PCDH7: variants seen among roughly 807,000 people sequenced by gnomAD.
PCDH7 encodes protocadherin 7, also known as protocadherin-7.
In PCDH7, 17 loss-of-function variants were observed where a neutral mutation model predicts 58.9. That is an observed-to-expected ratio of 0.29 (90% CI 0.20 to 0.43). The LOEUF is 0.43. PCDH7 is among the 20% of genes least tolerant of loss of function. The pLI, the probability that PCDH7 is intolerant of heterozygous loss-of-function variation, is 1.00. For missense variants in PCDH7, 1,274 were observed against 1,441.0 expected (o/e 0.88, Z 1.88); for synonymous variants, 664 against 616.4 (o/e 1.08, Z -1.14).
intron 3 of PCDH7, among the ~76,000 whole-genome samples, chr4:31,089,100 T>C (rs1056862433): frequency 3.3e-5 from 5 of 152,076 alleles, no homozygotes; most frequent in African/African-American, 1.2e-4. Context: ...TTGCTTTAGA[T>C]AAGTGAGTTT....
intron 3 of PCDH7, among the ~76,000 whole-genome samples, chr4:31,077,094 T>G (rs145972070): frequency 6.6e-6 from 1 of 152,260 alleles, no homozygotes; most frequent in East Asian, 1.9e-4. Context: ...CATACACACA[T>G]AAATCTGATG....
At chr4:30,854,393 G>A in intron 1 of PCDH7, among the ~76,000 whole-genome samples, 1 of 150,946 alleles carries the variant, frequency 6.6e-6, no homozygotes, top group East Asian at 1.9e-4. Flanking sequence ...TTAGGGAACT[G>A]GGTTACTACT....
At chr4:31,142,516 T>C (rs1720388092) in exon 4 of PCDH7, 3 of 1,367,648 alleles carry the variant, frequency 2.2e-6, no homozygotes, top group Non-Finnish European at 9.8e-7. Flanking sequence ...GGAAGTGCAC[T>C]CGTGAGTGTG....
chr4:31,035,469 G>A (rs1755331492), intron 3 of PCDH7, among the ~76,000 whole-genome samples: 1 of 152,022 alleles, frequency 6.6e-6, no homozygotes, highest in Non-Finnish European at 1.5e-5. Context: ...GGCCAGGCTG[G>A]CCTCAAATTC....
intron 3 of PCDH7, among the ~76,000 whole-genome samples, chr4:31,069,401 C>T (rs1578709947): frequency 1.1e-5 from 1 of 88,778 alleles, no homozygotes; most frequent in Non-Finnish European, 2.4e-5. Context: ...AACACCTGTT[C>T]TTCTCACGGA....
chr4:31,060,048 T>C (rs1031907697), intron 3 of PCDH7, among the ~76,000 whole-genome samples: 5 of 151,656 alleles, frequency 3.3e-5, no homozygotes, highest in African/African-American at 1.2e-4. Context: ...ACCAAAGAAA[T>C]GTAGAGTGTG....
intron 3 of PCDH7, among the ~76,000 whole-genome samples, chr4:31,020,521 G>A (rs982474877): frequency 1.3e-5 from 2 of 152,126 alleles, no homozygotes; most frequent in African/African-American, 4.8e-5. Flanking sequence ...TGTAAACTTC[G>A]GAGTCACTGC....
At chr4:31,068,939 T>A (rs1758318465) in intron 3 of PCDH7, among the ~76,000 whole-genome samples, 1 of 152,000 alleles carries the variant, frequency 6.6e-6, no homozygotes, top group Non-Finnish European at 1.5e-5. Context: ...AGAATAACAT[T>A]TGTTTTAAAA....
chr4:30,984,769 G>A (rs897642857), intron 3 of PCDH7, among the ~76,000 whole-genome samples: 1 of 152,140 alleles, frequency 6.6e-6, no homozygotes, highest in Non-Finnish European at 1.5e-5. Flanking sequence ...GGTAATTCCA[G>A]TAGAATGTGG....
exon 2 of PCDH7, chr4:30,731,517 T>C (rs1715500703): frequency 6.6e-6 from 1 of 152,166 alleles, no homozygotes; most frequent in Non-Finnish European, 1.5e-5. Flanking sequence ...TTTATATCAT[T>C]TTTGAATTTA....
At chr4:30,915,095 C>G (rs1447893307) in intron 1 of PCDH7, among the ~76,000 whole-genome samples, 1 of 152,072 alleles carries the variant, frequency 6.6e-6, no homozygotes, top group East Asian at 1.9e-4. Flanking sequence ...TGTTGAGCAC[C>G]CCTTTTTGCT....
At chr4:31,133,284 G>A (rs1352997211) in intron 3 of PCDH7, among the ~76,000 whole-genome samples, 5 of 152,062 alleles carry the variant, frequency 3.3e-5, no homozygotes, top group African/African-American at 9.7e-5. Context: ...AATTTTGTGG[G>A]TACATATTTG....
At chr4:30,732,750 G>A (rs576444323) in exon 2 of PCDH7, 5 of 151,936 alleles carry the variant, frequency 3.3e-5, no homozygotes, top group Non-Finnish European at 7.4e-5. Context: ...CTAGACTGGG[G>A]TAGGAAGTTA....
At chr4:31,079,891 G>A (rs1482834890) in intron 3 of PCDH7, among the ~76,000 whole-genome samples, 2 of 151,822 alleles carry the variant, frequency 1.3e-5, no homozygotes, top group Non-Finnish European at 2.9e-5. Context: ...GGAACCCAGT[G>A]GAAGGAAAAG....
chr4:30,982,087 A>T (rs1750622359), intron 3 of PCDH7, among the ~76,000 whole-genome samples: 1 of 152,212 alleles, frequency 6.6e-6, no homozygotes, highest in Non-Finnish European at 1.5e-5. Context: ...AAAAAACGAT[A>T]ATTATGTGGG....
At chr4:31,013,949 C>A (rs1484366140) in intron 3 of PCDH7, among the ~76,000 whole-genome samples, 1 of 152,006 alleles carries the variant, frequency 6.6e-6, no homozygotes, top group East Asian at 1.9e-4. Context: ...CTATGATTTG[C>A]AACTAATTAT....
chr4:30,926,190 G>GT (rs10706040), intron 2 of PCDH7, among the ~76,000 whole-genome samples: 69 of 145,068 alleles, frequency 4.8e-4, no homozygotes, highest in East Asian at 8.2e-4. Flanking sequence ...ACTTTAGGTC[G>GT]TTTTTTTTTT....
chr4:30,809,607 A>C (rs557986905), intron 1 of PCDH7, among the ~76,000 whole-genome samples: 6 of 152,334 alleles, frequency 3.9e-5, no homozygotes, highest in African/African-American at 1.4e-4. Context: ...TGTCCACCTA[A>C]ATAATAAAAT....
At chr4:30,889,971 T>C (rs1738401508) in intron 1 of PCDH7, among the ~76,000 whole-genome samples, 1 of 152,158 alleles carries the variant, frequency 6.6e-6, no homozygotes, top group African/African-American at 2.4e-5. Context: ...AATTAAGGAA[T>C]TGCCAGACAA....
Sources: gnomAD v4.1 joint callset for allele counts (sites outside exome capture counted in the v4.1 genomes callset) on GRCh38, gnomAD v4.1.1 for gene constraint, MANE v1.5 for transcripts, NCBI Gene and HGNC (gene_info 2026-07-23, HGNC 2026-07-21) for gene names.